Variants in FAM107B observed in about 807,000 individuals in gnomAD.
FAM107B encodes the protein protein FAM107B.
Under a neutral mutation model 31.5 loss-of-function variants are expected in FAM107B, and 21 were observed. The ratio of observed to expected loss-of-function variants is 0.67; its 90% confidence interval spans 0.47 to 0.96. The LOEUF (loss-of-function observed/expected upper bound fraction) is 0.96. Among genes scored for constraint, FAM107B ranks in the 40% least tolerant of loss-of-function variants. The pLI is 0.00. For synonymous variants in FAM107B, 157 were observed against 141.5 expected (o/e 1.11, Z -0.78); for missense variants, 452 against 377.1 (o/e 1.20, Z -1.64).
At chr10:14,536,768 T>C (rs909346007) in intron 2 of FAM107B, among the ~76,000 whole-genome samples, 8 of 152,172 alleles carry the variant, frequency 5.3e-5, no homozygotes, top group Non-Finnish European at 7.4e-5. Flanking sequence ...TATTGTTTCA[T>C]ACTCTGCCAA....
intron 2 of FAM107B, among the ~76,000 whole-genome samples, chr10:14,579,915 G>C (rs906039890): frequency 5.9e-5 from 9 of 151,938 alleles, no homozygotes; most frequent in Non-Finnish European, 5.9e-5. Context: ...CCAGATACTT[G>C]GGAGGCTGAG....
intron 3 of FAM107B, among the ~76,000 whole-genome samples, chr10:14,525,086 T>C (rs568899267): frequency 1.3e-5 from 2 of 152,352 alleles, no homozygotes; most frequent in African/African-American, 4.8e-5. Flanking sequence ...ATTACTTAAC[T>C]TTCTGTGCTG....
chr10:14,521,001 G>T lies in FAM107B; in HGVS notation c.*189C>A. 1.8e-6 allele frequency: 1 copy of T among 544,540 alleles called. No individual in the cohort carries two copies. Among genetic ancestry groups the T allele is most frequent in the Non-Finnish European group, 3.2e-6 (1 of 308,898 alleles). 33.7% of individuals were successfully genotyped at this position (544,540 alleles called of 1,614,324 possible). The stretch of plus-strand genomic sequence containing the variant: ...CGTGCGGGGCACTGCCCTTCATTTG[G>T]CGAATAGGAACTGCAACTGTCACAG... On this transcript the variant is annotated 3_prime_UTR_variant, in exon 5 of 5. Coordinates refer to ENST00000181796, the MANE Select transcript of FAM107B (RefSeq NM_031453.4).
At chr10:14,743,178 G>A (rs146807729) in intron 1 of FAM107B, among the ~76,000 whole-genome samples, 40 of 152,238 alleles carry the variant, frequency 2.6e-4, no homozygotes, top group African/African-American at 9.1e-4. Context: ...CTTTTGAGAC[G>A]TGTCTGTTCA....
intron 2 of FAM107B, among the ~76,000 whole-genome samples, chr10:14,598,340 T>G (rs985772599): frequency 7.9e-5 from 12 of 152,128 alleles, no homozygotes; most frequent in Admixed American, 3.3e-4. Context: ...GGTAAACACA[T>G]GTGGTAATAT....
At chr10:14,649,446 T>C (rs965744858) in intron 2 of FAM107B, among the ~76,000 whole-genome samples, 3 of 152,194 alleles carry the variant, frequency 2.0e-5, no homozygotes, top group African/African-American at 7.2e-5. Context: ...TTAAGAAACA[T>C]TTACCATCTA....
intron 1 of FAM107B, among the ~76,000 whole-genome samples, chr10:14,679,836 C>T (rs1854784912): frequency 6.6e-6 from 1 of 152,190 alleles, no homozygotes; most frequent in Admixed American, 6.5e-5. Context: ...AGAATAAAAG[C>T]AGGCAGAGGA....
intron 1 of FAM107B, among the ~76,000 whole-genome samples, chr10:14,690,819 C>A (rs545111830): frequency 5.3e-5 from 8 of 152,262 alleles, no homozygotes; most frequent in South Asian, 4.1e-4. Context: ...CCTGCTGGAA[C>A]CTTGACTGAT....
intron 1 of FAM107B, among the ~76,000 whole-genome samples, chr10:14,764,617 G>A (rs1833126332): frequency 6.6e-6 from 1 of 152,140 alleles, no homozygotes; most frequent in African/African-American, 2.4e-5. Context: ...ATTTTCTTTG[G>A]AAAGGAGGAA....
chr10:14,532,739 T>C (rs1847152797), intron 2 of FAM107B: 1 of 152,228 alleles, frequency 6.6e-6, no homozygotes, highest in South Asian at 2.1e-4. Context: ...AGTTTCCTTC[T>C]AGTTAATCAT....
At chr10:14,713,739 T>C (rs1013582858) in intron 1 of FAM107B, among the ~76,000 whole-genome samples, 2 of 152,208 alleles carry the variant, frequency 1.3e-5, no homozygotes, top group African/African-American at 4.8e-5. Context: ...TGTATGTTCA[T>C]TGCAGCGCTA....
chr10:14,523,925 G>A (rs1300860835), intron 3 of FAM107B, among the ~76,000 whole-genome samples: 2 of 149,106 alleles, frequency 1.3e-5, no homozygotes, highest in African/African-American at 2.5e-5. Flanking sequence ...GGAGTGCAGC[G>A]GCATGATCTC....
chr10:14,686,142 A>C (rs1854980666), intron 1 of FAM107B, among the ~76,000 whole-genome samples: 2 of 152,130 alleles, frequency 1.3e-5, no homozygotes, highest in Non-Finnish European at 2.9e-5. Flanking sequence ...TAGTCCCAGC[A>C]CTTTGGGAGG....
At chr10:14,706,069 T>TCC (rs1349510239) in intron 1 of FAM107B, among the ~76,000 whole-genome samples, 1 of 152,158 alleles carries the variant, frequency 6.6e-6, no homozygotes, top group African/African-American at 2.4e-5. Flanking sequence ...CCACTACAAC[T>TCC]CTGTTGAACA....
chr10:14,725,862 G>A (rs936967914), intron 1 of FAM107B, among the ~76,000 whole-genome samples: 2 of 109,470 alleles, frequency 1.8e-5, no homozygotes, highest in Admixed American at 2.9e-4. Flanking sequence ...GTCTTGCTCT[G>A]TTGCCCAGGC....
intron 1 of FAM107B, among the ~76,000 whole-genome samples, chr10:14,763,700 C>A (rs1343601489): frequency 6.6e-6 from 1 of 152,168 alleles, no homozygotes; most frequent in Admixed American, 6.5e-5. Context: ...CCATCACCTC[C>A]CCAAGTACCA....
intron 2 of FAM107B, among the ~76,000 whole-genome samples, chr10:14,547,034 C>T (rs1346192142): frequency 6.6e-6 from 1 of 152,166 alleles, no homozygotes; most frequent in Non-Finnish European, 1.5e-5. Flanking sequence ...GCCTCCTGGC[C>T]ACATCCAACC....
intron 2 of FAM107B, among the ~76,000 whole-genome samples, chr10:14,655,680 T>C (rs943147003): frequency 7.9e-5 from 12 of 152,150 alleles, no homozygotes; most frequent in Admixed American, 4.6e-4. Flanking sequence ...GCAGTTCATA[T>C]GTGAAGGGAA....
chr10:14,666,453 T>C (rs1420735599), intron 2 of FAM107B, among the ~76,000 whole-genome samples: 1 of 152,096 alleles, frequency 6.6e-6, no homozygotes, highest in Admixed American at 6.6e-5. Context: ...GCCCCCATGA[T>C]TAAATTACCT....
Sources: allele counts gnomAD v4.1 joint callset (sites outside exome capture counted in the v4.1 genomes callset), GRCh38; gene constraint gnomAD v4.1.1; transcripts MANE v1.5; gene names NCBI Gene and HGNC (gene_info 2026-07-23, HGNC 2026-07-21).